Variants in NBEA observed in about 807,000 individuals in gnomAD.
NBEA encodes lysosomal-trafficking regulator 2.
In NBEA, 44 loss-of-function variants were observed where a neutral mutation model predicts 343.4. The observed-to-expected ratio is 0.13, with a 90% CI of 0.10 to 0.16. The LOEUF is 0.16. Ranked by LOEUF, NBEA falls within the 10% of genes least tolerant of loss-of-function variation. NBEA has a pLI of 1.00. For missense variants in NBEA, 2,555 were observed against 3,631.3 expected, an observed-to-expected ratio of 0.70 and a Z score of 7.62; for synonymous variants, 1,175 against 1,238.7, an observed-to-expected ratio of 0.95 and a Z score of 1.08.
chr13:35,433,382 C>A (rs1594622607), intron 39 of NBEA, among the ~76,000 whole-genome samples: 1 of 151,834 alleles, frequency 6.6e-6, no homozygotes, highest in African/African-American at 2.4e-5. Context: ...TATTAATTTT[C>A]TTTTATTTGG....
intron 36 of NBEA, among the ~76,000 whole-genome samples, chr13:35,311,955 C>T (rs771841624): frequency 9.2e-5 from 14 of 152,166 alleles, no homozygotes; most frequent in Non-Finnish European, 1.5e-4. Context: ...TCATAGGACT[C>T]GTTCTTCCAA....
chr13:35,575,091 T>G (rs940612740), intron 45 of NBEA, among the ~76,000 whole-genome samples: 6 of 152,196 alleles, frequency 3.9e-5, no homozygotes, highest in African/African-American at 1.4e-4. Flanking sequence ...AAGATGATCT[T>G]TCTTCATAAT....
intron 39 of NBEA, among the ~76,000 whole-genome samples, chr13:35,432,811 G>A (rs1010650194): frequency 6.6e-6 from 1 of 150,840 alleles, no homozygotes; most frequent in East Asian, 2.0e-4. Context: ...TATATATACT[G>A]CATTAATATA....
intron 40 of NBEA, among the ~76,000 whole-genome samples, chr13:35,465,470 G>T (rs963032888): frequency 1.3e-5 from 2 of 152,110 alleles, no homozygotes; most frequent in African/African-American, 4.8e-5. Flanking sequence ...GGGGTGCAAA[G>T]ATTTAAATCA....
intron 10 of NBEA, among the ~76,000 whole-genome samples, chr13:35,081,167 A>G (rs1195781555): frequency 6.6e-6 from 1 of 152,180 alleles, no homozygotes; most frequent in Non-Finnish European, 1.5e-5. Context: ...ATGGGGGAAT[A>G]GCAGGAGTCC....
chr13:35,276,629 G>A (rs1012575521), intron 34 of NBEA, among the ~76,000 whole-genome samples: 10 of 152,140 alleles, frequency 6.6e-5, no homozygotes, highest in Non-Finnish European at 1.3e-4. Flanking sequence ...ACTAATGCAC[G>A]TTAGAGAAAT....
chr13:35,453,585 A>G (rs1191673589), intron 40 of NBEA, among the ~76,000 whole-genome samples: 1 of 152,208 alleles, frequency 6.6e-6, no homozygotes, highest in Non-Finnish European at 1.5e-5. Flanking sequence ...GAAAATTCAC[A>G]AATGTTATTT....
chr13:35,325,126 G>A (rs987598090), intron 36 of NBEA, among the ~76,000 whole-genome samples: 1 of 151,836 alleles, frequency 6.6e-6, no homozygotes, highest in African/African-American at 2.4e-5. Flanking sequence ...ATATCAGAAA[G>A]AGTATGAAAA....
At position 35,105,114 on chromosome 13, in the gene NBEA, A is replaced by G. The variant is rs187608519; in HGVS notation, c.1681-4176A>G. On this transcript the variant is annotated intron_variant, in intron 11 of 58. Transcript: ENST00000379939. ...ACCCAAAGAGAAAGTTATTGTAGCT[A>G]TTAGGAGAAGGGTACCTGATGGGAG... is the stretch of plus-strand genomic sequence containing the variant. 5.3e-5 allele frequency among the ~76,000 whole-genome samples: 8 copies of G among 152,156 alleles called. No homozygotes were observed. In the East Asian group the frequency reaches 7.7e-4, roughly 15 times the overall value.
intron 34 of NBEA, among the ~76,000 whole-genome samples, chr13:35,241,287 T>C (rs918531397): frequency 4.6e-5 from 7 of 151,814 alleles, no homozygotes; most frequent in African/African-American, 1.4e-4. Flanking sequence ...ATACATATGG[T>C]AACATTATGA....
intron 38 of NBEA, among the ~76,000 whole-genome samples, chr13:35,430,079 A>G (rs2045000974): frequency 6.6e-6 from 1 of 152,050 alleles, no homozygotes; most frequent in South Asian, 2.1e-4. Flanking sequence ...CATTCCCACC[A>G]ACAGTGTAAA....
chr13:35,442,364 A>G (rs2045787750), intron 39 of NBEA, among the ~76,000 whole-genome samples: 1 of 152,166 alleles, frequency 6.6e-6, no homozygotes, highest in Admixed American at 6.6e-5. Flanking sequence ...TGCGATTTTT[A>G]GTATAATGAA....
At chr13:35,348,786 T>A (rs1364904286) in intron 36 of NBEA, among the ~76,000 whole-genome samples, 1 of 152,030 alleles carries the variant, frequency 6.6e-6, no homozygotes, top group African/African-American at 2.4e-5. Context: ...AAAAATTACC[T>A]CTAAGATAGT....
At chr13:35,272,160 T>A (rs191116938) in intron 34 of NBEA, among the ~76,000 whole-genome samples, 1 of 152,284 alleles carries the variant, frequency 6.6e-6, no homozygotes, top group Admixed American at 6.5e-5. Context: ...TGGATATCTC[T>A]GCAGAAACCC....
chr13:35,216,319 A>G (rs1232102330), intron 33 of NBEA, among the ~76,000 whole-genome samples: 2 of 151,892 alleles, frequency 1.3e-5, no homozygotes, highest in African/African-American at 4.8e-5. Context: ...CCAGCTTTGT[A>G]CATAAAGTTA....
chr13:35,161,762 C>A lies in NBEA; in HGVS notation c.3874C>A (p.Arg1292=). The A allele has an allele frequency of 6.2e-7, 1 of 1,610,046 alleles. No homozygotes were observed. The highest frequency in any genetic ancestry group is 1.1e-5 in the South Asian group (1 of 90,032). The part of the protein sequence containing the change: ...TTTTTQAVQG[R]SITQQDRDLR... Reference sequence around the variant, plus strand: ...TTTCCTTCTTTAGGCTGTGCAGGGTCGGTCTATCACCCAACAAGACCGAGA... The same window carrying A: ...TTTCCTTCTTTAGGCTGTGCAGGGTAGGTCTATCACCCAACAAGACCGAGA... The change falls in exon 23 of 59, where the codon CGG becomes AGG. Residue 1292 remains arginine (R), a synonymous_variant. Transcript: ENST00000379939.
chr13:35,220,628 A>T (rs527782252), intron 33 of NBEA, among the ~76,000 whole-genome samples: 1 of 152,016 alleles, frequency 6.6e-6, no homozygotes, highest in East Asian at 1.9e-4. Context: ...AACCCACCTG[A>T]TGTCTGTTTT....
intron 1 of NBEA, among the ~76,000 whole-genome samples, chr13:34,976,248 A>T (rs1428098965): frequency 6.6e-6 from 1 of 152,234 alleles, no homozygotes; most frequent in Non-Finnish European, 1.5e-5. Flanking sequence ...CAGCCATAAA[A>T]AGGAATGAAA....
intron 38 of NBEA, among the ~76,000 whole-genome samples, chr13:35,352,891 A>G (rs1409880556): frequency 6.6e-6 from 1 of 152,160 alleles, no homozygotes; most frequent in African/African-American, 2.4e-5. Context: ...TGTTCTCCCT[A>G]AAGTTTTGTG....
Sources: allele counts gnomAD v4.1 joint callset (sites outside exome capture counted in the v4.1 genomes callset), GRCh38; gene constraint gnomAD v4.1.1; transcripts MANE v1.5; gene names NCBI Gene and HGNC (gene_info 2026-07-23, HGNC 2026-07-21).